The following SBNO2 variants were observed in gnomAD, a reference collection of about 807,000 sequenced individuals.
SBNO2 encodes protein strawberry notch homolog 2.
Under a neutral mutation model 146.3 loss-of-function variants are expected in SBNO2, and 89 were observed. That is an observed-to-expected ratio of 0.61 (90% CI 0.51 to 0.73). The LOEUF (loss-of-function observed/expected upper bound fraction) is 0.73, where lower values mean the gene tolerates loss of function less well. SBNO2 is among the 30% of genes least tolerant of loss of function. The pLI is 0.00. For synonymous variants in SBNO2, 1,147 were observed against 892.6 expected (o/e 1.29, Z -5.08); for missense variants, 2,092 against 2,003.7 (o/e 1.04, Z -0.84).
At chr19:1,152,647 C>T (rs2080253479) in intron 2 of SBNO2, among the ~76,000 whole-genome samples, 1 of 152,122 alleles carries the variant, frequency 6.6e-6, no homozygotes, top group Non-Finnish European at 1.5e-5. Context: ...GAGAGGGGTA[C>T]CCTGGCCCCA....
At chr19:1,128,105 C>G (rs1333422983) in intron 4 of SBNO2, 12 of 517,310 alleles carry the variant, frequency 2.3e-5, no homozygotes, top group Non-Finnish European at 4.4e-5. Context: ...CGTGAGCCAC[C>G]ATGTGACAGA....
chr19:1,169,304 G>A (rs1200287187), intron 1 of SBNO2, among the ~76,000 whole-genome samples: 16 of 152,188 alleles, frequency 1.1e-4, no homozygotes, highest in Admixed American at 2.6e-4. Context: ...AGGGGAATCC[G>A]CAGGAGAGCC....
intron 11 of SBNO2, 123 bp from the exon 12 acceptor site, chr19:1,120,146 C>A: frequency 1.3e-6 from 1 of 762,880 alleles, no homozygotes; most frequent in South Asian, 1.8e-5. Flanking sequence ...CTGAGAACTC[C>A]ACGAGGGAAG....
chr19:1,110,710 A>G lies in SBNO2; in HGVS notation c.3028+35T>C. On this transcript the variant is annotated intron_variant, in intron 26 of 31. Coordinates refer to ENST00000361757, the MANE Select transcript of SBNO2 (RefSeq NM_014963.3). The surrounding 1 kb of genome is among the most constrained non-coding windows in gnomAD (Gnocchi z 4.9). ...GCGTTCCCACGAGCCCCGCACCCAC[A>G]CCCACCCACACCACACCCCGGCACC... 6.2e-7 allele frequency: 1 copy of G among 1,601,244 alleles called. No individual in the cohort carries two copies. Among genetic ancestry groups the G allele is most frequent in the Non-Finnish European group, 8.5e-7 (1 of 1,173,708 alleles).
Position 1,122,932 on chromosome 19 carries a change from ACAGGGCCCCGCTGT to A in SBNO2, c.728_741del (p.Asp243ValfsTer93). The stretch of plus-strand genomic sequence containing the variant: ...GTGATGGCCTCTAGCTGCAGGGCAG[ACAGGGCCCCGCTGT>A]CCGAGGGCAGGGCCAGGGTGTAGGT... On this transcript the variant is annotated frameshift_variant, in exon 8 of 32. Coordinates refer to ENST00000361757, the MANE Select transcript of SBNO2 (RefSeq NM_014963.3). LOFTEE classifies it high-confidence loss of function. 6.4e-7 allele frequency: 1 copy of A among 1,557,572 alleles called. No individual in the cohort carries two copies. Among genetic ancestry groups the A allele is most frequent in the Non-Finnish European group, 8.7e-7 (1 of 1,151,294 alleles).
chr19:1,130,888 G>A (rs1472876350), intron 4 of SBNO2, among the ~76,000 whole-genome samples: 6 of 152,162 alleles, frequency 3.9e-5, no homozygotes, highest in South Asian at 4.1e-4. Flanking sequence ...CCTGCTCCCC[G>A]TCCGGTCCTT....
chr19:1,116,491 G>GA (rs1168589852), intron 16 of SBNO2, among the ~76,000 whole-genome samples: 2 of 152,120 alleles, frequency 1.3e-5, no homozygotes, highest in Non-Finnish European at 2.9e-5. Context: ...ACCAACAGGG[G>GA]AGAGGCTGGG....
chr19:1,139,194 G>A (rs550345549), intron 4 of SBNO2, among the ~76,000 whole-genome samples: 3 of 152,330 alleles, frequency 2.0e-5, no homozygotes, highest in South Asian at 4.1e-4. Context: ...GCCATAGCTC[G>A]GATGTACCTT....
At chr19:1,113,182 G>C (rs1275217728) in intron 19 of SBNO2, among the ~76,000 whole-genome samples, 2 of 152,202 alleles carry the variant, frequency 1.3e-5, no homozygotes, top group African/African-American at 4.8e-5. Context: ...AGTGAAGCTG[G>C]GCGGGGGCAG....
Position 1,113,639 on chromosome 19 carries a change from T to G in SBNO2, c.2143A>C (p.Lys715Gln). 1 of 1,599,496 alleles carries G rather than the reference T, an allele frequency of 6.3e-7. No homozygotes were observed. Among genetic ancestry groups the G allele is most frequent in the Non-Finnish European group, 8.5e-7 (1 of 1,174,260 alleles). ...PGVLERVERL[K>Q]QDLLDKVRRL... ...CGCACTTTGTCCAGCAGATCCTGCT[T>G]CAGCCGCTCCACCCGCTCCAGGACC... The change falls in exon 19 of 32, where the codon AAG becomes CAG. Residue 715 changes from lysine (K) to glutamine (Q), a missense_variant. Physicochemically the swap from Lys to Gln is moderately conservative, Grantham distance 53 (BLOSUM62 1). Coordinates refer to ENST00000361757, the MANE Select transcript of SBNO2 (RefSeq NM_014963.3).
At chr19:1,164,198 CT>C (rs35971149) in intron 1 of SBNO2, among the ~76,000 whole-genome samples, 39,987 of 152,160 alleles carry the variant, frequency 0.26, 6,212 homozygotes, top group East Asian at 0.45. Flanking sequence ...GGCCAAGGGG[CT>C]GGTGCCATGG....
At chr19:1,123,253 C>T (rs537966999) in intron 7 of SBNO2, among the ~76,000 whole-genome samples, 14 of 151,884 alleles carry the variant, frequency 9.2e-5, no homozygotes, top group African/African-American at 3.1e-4. Context: ...GGGGTGTGGC[C>T]GCGGCCTGCT....
intron 24 of SBNO2, 105 bp downstream of exon 24, chr19:1,111,401 C>G (rs941373319): frequency 1.2e-6 from 1 of 832,420 alleles, no homozygotes; most frequent in Non-Finnish European, 2.0e-6. Context: ...GGAGGGGTCA[C>G]TCAACACACA....
At chr19:1,148,194 G>C (rs1264873645) in intron 3 of SBNO2, among the ~76,000 whole-genome samples, 1 of 152,028 alleles carries the variant, frequency 6.6e-6, no homozygotes. Flanking sequence ...CCTTGGGTTG[G>C]AGGCGGCCCT....
rs1469064696 is a variant in SBNO2, at chr19:1,108,029, C to T, written c.*191G>A. 3 of 469,740 alleles carry T rather than the reference C, an allele frequency of 6.4e-6. No individual in the cohort carries two copies. The Admixed American group carries it at 1.4e-4, about 22-fold the overall frequency. 29.1% of individuals were successfully genotyped at this position (469,740 alleles called of 1,614,324 possible). A position where few individuals can be genotyped will look rare whatever the true frequency, so the allele number is the denominator to read the frequency against. On this transcript the variant is annotated 3_prime_UTR_variant, in exon 32 of 32. Coordinates refer to ENST00000361757, the MANE Select transcript of SBNO2 (RefSeq NM_014963.3). ...CAGAGAGGGCCCTGCCACGCCCCGG[C>T]CCCCAGCTGTCCTGAGTGGGCCCCG... is the stretch of plus-strand genomic sequence containing the variant.
chr19:1,110,675 A>G lies in SBNO2; in HGVS notation c.3028+70T>C, dbSNP rs772181640. 1.6e-5 allele frequency: 21 copies of G among 1,333,678 alleles called. No homozygotes were observed. The highest frequency in any genetic ancestry group is 2.0e-5 in the Non-Finnish European group (20 of 976,664). The allele number at this position is 1,333,678 out of a possible 1,614,324, so 82.6% of individuals were successfully genotyped here. ...GTTCCCACGAGCCCCGAGCCCACCC[A>G]GGATGCATGGCGTTCCCACGAGCCC... On this transcript the variant is annotated intron_variant, in intron 26 of 31. Transcript: ENST00000361757. This position sits in a 1 kb window ranked among gnomAD's most constrained non-coding sequence, Gnocchi z 4.9.
At position 1,112,105 on chromosome 19, in the gene SBNO2, G is replaced by A. The variant is rs201696129; in HGVS notation, c.2629-38C>T. 3.7e-5 allele frequency: 59 copies of A among 1,610,428 alleles called. No homozygotes were observed. The highest frequency in any genetic ancestry group is 1.3e-4 in the Admixed American group (8 of 59,874). On this transcript the variant is annotated intron_variant, in intron 22 of 31. Coordinates refer to ENST00000361757, the MANE Select transcript of SBNO2 (RefSeq NM_014963.3). This position sits in a 1 kb window ranked among gnomAD's most constrained non-coding sequence, Gnocchi z 5.9. ...GGGAGGCCATCAGTTGGTCACCTGGGGTCTGGCCTCTAGCACCCCACAAAG... is the reference window on the plus strand; with the variant it reads ...GGGAGGCCATCAGTTGGTCACCTGGAGTCTGGCCTCTAGCACCCCACAAAG...
Position 1,126,505 on chromosome 19 carries a change from G to A in SBNO2, c.441+1099C>T, listed in dbSNP as rs2079967208. On this transcript the variant is annotated intron_variant, in intron 5 of 31. Transcript: ENST00000361757. The surrounding 1 kb of genome is among the most constrained non-coding windows in gnomAD (Gnocchi z 4.4). ...AATGCTCTGCTGGGCCCTTGTGCCAGAGGGACCAAGCCTGAGCCGCCCACC... is the reference window on the plus strand; with the variant it reads ...AATGCTCTGCTGGGCCCTTGTGCCAAAGGGACCAAGCCTGAGCCGCCCACC... Among the ~76,000 whole-genome samples the A allele has an allele frequency of 6.6e-6, 1 of 152,136 alleles. No homozygotes were observed. Among genetic ancestry groups the A allele is most frequent in the African/African-American group, 2.4e-5 (1 of 41,424 alleles).
chr19:1,138,718 TG>T (rs2080107867), intron 4 of SBNO2, among the ~76,000 whole-genome samples: 1 of 135,876 alleles, frequency 7.4e-6, no homozygotes, highest in Admixed American at 7.6e-5. Flanking sequence ...ACGGACACAG[TG>T]GGGCCCTCCA....
Sources: gnomAD v4.1 joint callset for allele counts (sites outside exome capture counted in the v4.1 genomes callset) on GRCh38, gnomAD v4.1.1 for gene constraint, Gnocchi (gnomAD v3.1) non-coding constraint, MANE v1.5 for transcripts, NCBI Gene and HGNC (gene_info 2026-07-23, HGNC 2026-07-21) for gene names.